The following USP6 variants were observed in gnomAD, a reference collection of about 807,000 sequenced individuals.
USP6 encodes the protein ubiquitin carboxyl-terminal hydrolase 6.
Under a neutral mutation model 175.7 loss-of-function variants are expected in USP6, and 128 were observed. That is an observed-to-expected ratio of 0.73 (90% CI 0.63 to 0.84). The LOEUF is 0.84. Among genes scored for constraint, USP6 ranks in the 40% least tolerant of loss-of-function variants. The probability of loss-of-function intolerance (pLI) is 0.00; values close to 1 mark genes in which losing one functional copy is unlikely to be tolerated. For missense variants in USP6, 1,498 were observed against 1,760.3 expected (o/e 0.85, Z 2.67); for synonymous variants, 562 against 630.6 (o/e 0.89, Z 1.63).
chr17:5,133,512 A>G lies in USP6; in HGVS notation c.346A>G (p.Ile116Val). Residue 116 changes from isoleucine (I) to valine (V), a missense_variant, in exon 14 of 38, where the codon ATT (isoleucine) becomes GTT (valine). This residue lies in a region of USP6 where 281 missense variants were observed against 259.6 expected (regional missense o/e 1.08). Transcript: ENST00000574788. ...CCCGGTGTGGTCAGTCCTCCTGAAC[A>G]TTCAGGAAATCAAGTTGAAAAACCC... ...RGPVWSVLLN[I>V]QEIKLKNPGR... 6.2e-7 allele frequency: 1 copy of G among 1,611,548 alleles called. No homozygotes were observed. Among genetic ancestry groups the G allele is most frequent in the South Asian group, 1.1e-5 (1 of 90,972 alleles).
Position 5,170,476 on chromosome 17 carries a change from C to T in USP6, c.3518-3C>T, listed in dbSNP as rs886321306. On this transcript the variant is annotated splice_region_variant and splice_polypyrimidine_tract_variant and intron_variant, in intron 35 of 37. Transcript: ENST00000574788. The stretch of plus-strand genomic sequence containing the variant: ...TGAATCTTTTCTTCTGTCCTGTTCA[C>T]AGGTTCTCCTTCTTCATCAAGAAAA... The T allele has an allele frequency of 1.2e-6, 2 of 1,603,828 alleles. No homozygotes were observed. The highest frequency in any genetic ancestry group is 2.7e-5 in the African/African-American group (2 of 74,558).
At position 5,138,198 on chromosome 17, in the gene USP6, G is replaced by T. The variant is rs145087393; in HGVS notation, c.1003G>T (p.Asp335Tyr). 2 of 1,613,960 alleles carry T rather than the reference G, an allele frequency of 1.2e-6. No homozygotes were observed. The highest frequency in any genetic ancestry group is 3.3e-5 in the Admixed American group (2 of 60,004). Residue 335 changes from aspartate to tyrosine, a missense_variant, in exon 21 of 38, where the codon GAT becomes TAT. Physicochemically the swap from Asp to Tyr is radical, Grantham distance 160. Coordinates refer to ENST00000574788, the MANE Select transcript of USP6 (RefSeq NM_001304284.2). ...ATTCTTCGATACCTGGGCCATGAAC[G>T]ATGACACCGTGCTCAAGCATCTTAG... ...NQFFDTWAMNDDTVLKHLRAS... is the reference protein window; with the variant it reads ...NQFFDTWAMNYDTVLKHLRAS...
rs946850971 is a variant in USP6 at position 5,132,709 on chromosome 17, C to A, written c.196-201C>A. Among the ~76,000 whole-genome samples the A allele has an allele frequency of 6.6e-6, 1 of 152,126 alleles. No homozygotes were observed. Among genetic ancestry groups the A allele is most frequent in the African/African-American group, 2.4e-5 (1 of 41,428 alleles). On this transcript the variant is annotated intron_variant, in intron 12 of 37. Transcript: ENST00000574788. This position sits in a 1 kb window ranked among gnomAD's most constrained non-coding sequence, Gnocchi z 4.7. Reference sequence around the variant, plus strand: ...GGACCTAAGACTGGTGTGTCTGTGGCCTGAGGATGGCATGTCCCGGGGTCC... The same window carrying A: ...GGACCTAAGACTGGTGTGTCTGTGGACTGAGGATGGCATGTCCCGGGGTCC...
intron 8 of USP6, 33 bp from the exon 9 acceptor site, chr17:5,129,903 T>A: frequency 5.2e-6 from 1 of 192,414 alleles, no homozygotes; most frequent in Non-Finnish European, 1.1e-5. Flanking sequence ...CGGGGTAGAA[T>A]GGAGCAGTCA....
chr17:5,172,359 A>G (rs542243145), intron 37 of USP6, among the ~76,000 whole-genome samples: 28 of 151,238 alleles, frequency 1.9e-4, no homozygotes, highest in East Asian at 9.8e-4. Flanking sequence ...GTGAAACCCC[A>G]TCTCTACTAA....
chr17:5,138,109 C>A lies in USP6; in HGVS notation c.926-12C>A. The A allele has an allele frequency of 6.2e-7, 1 of 1,614,068 alleles. No individual in the cohort carries two copies. The highest frequency in any genetic ancestry group is 1.1e-5 in the South Asian group (1 of 91,088). On this transcript the variant is annotated splice_polypyrimidine_tract_variant and intron_variant, in intron 20 of 37. Coordinates refer to ENST00000574788, the MANE Select transcript of USP6 (RefSeq NM_001304284.2). ...GGGAACTCTCCTGGCCTGATATCCACCCTGTCCCTAGAGCGCCTCATGAAG... is the reference window on the plus strand; with the variant it reads ...GGGAACTCTCCTGGCCTGATATCCAACCTGTCCCTAGAGCGCCTCATGAAG...
chr17:5,131,651 G>A (rs1057115838), intron 11 of USP6, among the ~76,000 whole-genome samples: 3 of 150,612 alleles, frequency 2.0e-5, no homozygotes, highest in African/African-American at 7.3e-5. Flanking sequence ...GCCCCATTCT[G>A]GGCCTCTCAC....
In USP6 at chr17:5,161,572, T is replaced by A. The variant is rs1480520470; in HGVS notation, c.2873T>A (p.Val958Glu). Reference protein sequence around the residue: ...GYQYPFTLRVVQKDGNSCAWC... With the variant: ...GYQYPFTLRVEQKDGNSCAWC... The stretch of plus-strand genomic sequence containing the variant: ...CAATATCCATTCACTCTACGAGTTG[T>A]GCAGAAAGATGGGAACTCCTGTGCT... Residue 958 changes from valine to glutamate, a missense_variant, in exon 32 of 38, where the codon GTG becomes GAG. Physicochemically the swap from Val to Glu is moderately radical, Grantham distance 121 (BLOSUM62 -2). Transcript: ENST00000574788. 6.2e-7 allele frequency: 1 copy of A among 1,614,064 alleles called. No homozygotes were observed. The highest frequency in any genetic ancestry group is 1.1e-5 in the South Asian group (1 of 91,080).
intron 7 of USP6, 29 bp from the exon 8 acceptor site, chr17:5,128,923 G>A (rs1314932202): frequency 1.3e-5 from 2 of 152,696 alleles, no homozygotes; most frequent in Non-Finnish European, 2.9e-5. Flanking sequence ...TCAGAATCAG[G>A]TGAGTGTGAC....
chr17:5,173,532 TCTTG>T lies in USP6; in HGVS notation c.*558_*561del. 1 of 219,276 alleles carries T rather than the reference TCTTG, an allele frequency of 4.6e-6. No individual in the cohort carries two copies. The highest frequency in any genetic ancestry group is 1.4e-3 in the Middle Eastern group (1 of 736). 13.6% of individuals were successfully genotyped at this position (219,276 alleles called of 1,614,324 possible). A position where few individuals can be genotyped will look rare whatever the true frequency, so the allele number is the denominator to read the frequency against. On this transcript the variant is annotated 3_prime_UTR_variant, in exon 38 of 38. Transcript: ENST00000574788. ...AAACTGTTTCCATACCCTTTCTTTT[TCTTG>T]CTTTTTGTTTTTGCCATTGTGTTTA...
At position 5,158,614 on chromosome 17, in the gene USP6, G is replaced by GGAGAGA. The variant is rs71151843; in HGVS notation, c.2829-2861_2829-2856dup. ...GAGAGAGAGAGAGAGAGGGAGAGGGGGAGAGAGAGAGAGAGAGAGAGAGAG... is the reference window on the plus strand; with the variant it reads ...GAGAGAGAGAGAGAGAGGGAGAGGGGGAGAGAGAGAGAGAGAGAGAGAGAGAGAGAG... On this transcript the variant is annotated intron_variant, in intron 31 of 37. Transcript: ENST00000574788. Among the ~76,000 whole-genome samples, 168 of 26,294 alleles carry GGAGAGA rather than the reference G, an allele frequency of 6.4e-3. 31 individuals carry two copies. Among genetic ancestry groups the GGAGAGA allele is most frequent in the East Asian group, 7.6e-3 (7 of 926 alleles). 17.2% of individuals were successfully genotyped at this position (26,294 alleles called of 152,430 possible).
chr17:5,133,938 C>G lies in USP6; in HGVS notation c.436C>G (p.Leu146Val), dbSNP rs756243009. The change falls in exon 15 of 38, where the codon CTG (leucine) becomes GTG (valine). Residue 146 changes from leucine (L) to valine (V), a missense_variant. Around this residue, in one of 2 missense-constraint regions of USP6, gnomAD observed 281 missense variants for 259.6 expected, o/e 1.08. Coordinates refer to ENST00000574788, the MANE Select transcript of USP6 (RefSeq NM_001304284.2). ...ATCTGAACACATCCACCACATCGAC[C>G]TGGACGTGAGGACGACTCTCCGGAA... ...RSSEHIHHID[L>V]DVRTTLRNHV... 3.7e-6 allele frequency: 6 copies of G among 1,614,178 alleles called. No homozygotes were observed. The highest frequency in any genetic ancestry group is 5.1e-6 in the Non-Finnish European group (6 of 1,180,034).
rs546893669 is a variant in USP6, at chr17:5,169,131, T to C, written c.3517+76T>C. On this transcript the variant is annotated intron_variant, in intron 35 of 37. Transcript: ENST00000574788. ...ACATATGTTTCTCTGTCTTCTGTTC[T>C]GGAACATCAGGTTGGTTGGGTGGAA... is the stretch of plus-strand genomic sequence containing the variant. 2.8e-5 allele frequency: 41 copies of C among 1,450,026 alleles called. No homozygotes were observed. The East Asian group carries it at 5.5e-4, about 20-fold the overall frequency. The allele number at this position is 1,450,026 out of a possible 1,614,324, so 89.8% of individuals were successfully genotyped here.
intron 4 of USP6, among the ~76,000 whole-genome samples, chr17:5,124,011 A>C (rs2072808134): frequency 6.6e-6 from 1 of 152,148 alleles, no homozygotes; most frequent in African/African-American, 2.4e-5. Context: ...ACAAACACGC[A>C]CCCATAGAAG....
At chr17:5,171,334 T>C (rs188288946) in intron 36 of USP6, among the ~76,000 whole-genome samples, 198 of 152,230 alleles carry the variant, frequency 1.3e-3, no homozygotes, top group African/African-American at 4.5e-3. Flanking sequence ...AGCAAGCCCC[T>C]GTCTCAAAAT....
chr17:5,162,728 C>A (rs1487351496), intron 32 of USP6, among the ~76,000 whole-genome samples, 156 bp from the exon 33 acceptor site: 1 of 152,140 alleles, frequency 6.6e-6, no homozygotes, highest in African/African-American at 2.4e-5. Context: ...TAATAAGTAT[C>A]CTTACATTTA....
chr17:5,151,482 A>T (rs1279332728), intron 30 of USP6, among the ~76,000 whole-genome samples: 1 of 151,774 alleles, frequency 6.6e-6, no homozygotes, highest in Non-Finnish European at 1.5e-5. Flanking sequence ...GTGAGTTGAT[A>T]AGCTGATTCT....
chr17:5,159,197 A>T (rs902681737), intron 31 of USP6, among the ~76,000 whole-genome samples: 3 of 152,202 alleles, frequency 2.0e-5, no homozygotes, highest in African/African-American at 7.2e-5. Flanking sequence ...TGGGTGAAAG[A>T]ATCATTAGAA....
In USP6 at chr17:5,144,792, C is replaced by T. The variant is rs772945644; in HGVS notation, c.1921C>T (p.Arg641Ter). ...LLDGLHEDLN[R>*]VHEKPYVELK... Reference sequence around the variant, plus strand: ...GGATGGTCTTCATGAAGATCTCAACCGAGTCCATGAAAAGCCATATGTGGA... The same window carrying T: ...GGATGGTCTTCATGAAGATCTCAACTGAGTCCATGAAAAGCCATATGTGGA... The change falls in exon 26 of 38, where the codon CGA (arginine) becomes TGA (stop). Residue 641 changes from arginine (R) to a stop codon, truncating the protein, a stop_gained. Coordinates refer to ENST00000574788, the MANE Select transcript of USP6 (RefSeq NM_001304284.2). LOFTEE classifies it high-confidence loss of function. The T allele has an allele frequency of 1.4e-5, 22 of 1,613,482 alleles. No individual in the cohort carries two copies. Among genetic ancestry groups the T allele is most frequent in the African/African-American group, 2.7e-5 (2 of 74,868 alleles).
Sources: gnomAD v4.1 joint callset for allele counts (sites outside exome capture counted in the v4.1 genomes callset) on GRCh38, gnomAD v4.1.1 for gene constraint, gnomAD v4.1.1 regional missense constraint, Gnocchi (gnomAD v3.1) non-coding constraint, MANE v1.5 for transcripts, NCBI Gene and HGNC (gene_info 2026-07-23, HGNC 2026-07-21) for gene names.